CCDC14: variants seen among roughly 807,000 people sequenced by gnomAD.
CCDC14 encodes the protein coiled-coil domain-containing protein 14.
In CCDC14, 71 loss-of-function variants were observed where a neutral mutation model predicts 81.4. That is an observed-to-expected ratio of 0.87 (90% CI 0.72 to 1.06). The LOEUF (loss-of-function observed/expected upper bound fraction) is 1.06, where lower values mean the gene tolerates loss of function less well. Ranked by LOEUF, CCDC14 falls within the 50% of genes least tolerant of loss-of-function variation. The pLI, the probability that CCDC14 is intolerant of heterozygous loss-of-function variation, is 0.00. For synonymous variants in CCDC14, 332 were observed against 364.8 expected (o/e 0.91, Z 1.03); for missense variants, 1,046 against 1,047.3 (o/e 1.00, Z 0.02).
the CCDC14 span, among the ~76,000 whole-genome samples, chr3:123,887,956 C>T: frequency 6.6e-6 from 1 of 151,420 alleles, no homozygotes; most frequent in East Asian, 1.9e-4. Flanking sequence ...ATAAATTTCC[C>T]TCCTTTTTAC....
chr3:123,929,531 G>A (rs541599161), intron 12 of CCDC14, among the ~76,000 whole-genome samples: 1 of 152,160 alleles, frequency 6.6e-6, no homozygotes, highest in South Asian at 2.1e-4. Flanking sequence ...TCGAGCTCCT[G>A]GGCCCAGGCG....
downstream of CCDC14, among the ~76,000 whole-genome samples, chr3:123,911,448 C>G (rs958236634): frequency 1.3e-5 from 2 of 152,136 alleles, no homozygotes; most frequent in African/African-American, 4.8e-5. Flanking sequence ...TGTTAACTTA[C>G]AAATCAAACC....
chr3:123,915,637 G>T lies in CCDC14; in HGVS notation c.1860C>A (p.Thr620=). 1.9e-6 allele frequency: 3 copies of T among 1,614,000 alleles called. No individual in the cohort carries two copies. The South Asian group carries it at 3.3e-5, about 18-fold the overall frequency. The stretch of plus-strand genomic sequence containing the variant: ...TATCATGAATGTTCAAGAGTGATTT[G>T]GTAAGGTTATTCCCAGGCTTGCAGC... ...SARCKPGNNL[T]KSLLNIHDKQ... Residue 620 remains threonine, a synonymous_variant, in exon 13 of 13, where the codon ACC becomes ACA. Coordinates refer to ENST00000409697, the MANE Select transcript of CCDC14 (RefSeq NM_001366335.1).
intron 5 of CCDC14, among the ~76,000 whole-genome samples, chr3:123,908,087 A>G (rs2034359737): frequency 6.6e-6 from 1 of 152,178 alleles, no homozygotes; most frequent in African/African-American, 2.4e-5. Flanking sequence ...AAATTAAAAT[A>G]AGAAGAAAAA....
At chr3:123,921,685 T>C (rs1364508521) in intron 12 of CCDC14, among the ~76,000 whole-genome samples, 1 of 152,164 alleles carries the variant, frequency 6.6e-6, no homozygotes. Context: ...TGGGCCACAC[T>C]GGAAGAATTG....
At chr3:123,919,656 A>G (rs1483681561) in intron 12 of CCDC14, among the ~76,000 whole-genome samples, 16 of 152,240 alleles carry the variant, frequency 1.1e-4, no homozygotes, top group Non-Finnish European at 2.1e-4. Context: ...CTCAAAGCAC[A>G]GGTAGCAGCC....
At chr3:123,936,845 T>A (rs910367074) in intron 9 of CCDC14, among the ~76,000 whole-genome samples, 2 of 152,018 alleles carry the variant, frequency 1.3e-5, no homozygotes, top group African/African-American at 4.8e-5. Context: ...AAGCTAAAAA[T>A]TTTTCAAAAA....
chr3:123,895,766 T>G (rs2034051635), downstream of CCDC14, among the ~76,000 whole-genome samples: 1 of 152,210 alleles, frequency 6.6e-6, no homozygotes, highest in Non-Finnish European at 1.5e-5. Flanking sequence ...GCTAATTATT[T>G]GTTTAGAGAT....
intron 12 of CCDC14, among the ~76,000 whole-genome samples, chr3:123,929,880 T>C (rs1376029533): frequency 1.3e-5 from 2 of 152,220 alleles, no homozygotes; most frequent in Admixed American, 1.3e-4. Flanking sequence ...GTTACTGGTT[T>C]CTCTTAGTAT....
chr3:123,927,088 G>A (rs1441283603), intron 12 of CCDC14, among the ~76,000 whole-genome samples: 1 of 152,020 alleles, frequency 6.6e-6, no homozygotes, highest in African/African-American at 2.4e-5. Context: ...ATATAATTAA[G>A]CTCAGAGACT....
chr3:123,909,441 T>C (rs1215514161), downstream of CCDC14, among the ~76,000 whole-genome samples: 3 of 152,142 alleles, frequency 2.0e-5, no homozygotes, highest in Admixed American at 6.5e-5. Context: ...CCAGTGTCGA[T>C]GGGAGAAAAA....
rs1487098059 is a variant in CCDC14 at position 123,958,807 on chromosome 3, C to A, written c.31-2012G>T. 7 of 152,128 alleles carry A rather than the reference C, an allele frequency of 4.6e-5. No individual in the cohort carries two copies. In the South Asian group the frequency reaches 1.5e-3, roughly 32 times the overall value. 9.4% of individuals were successfully genotyped at this position (152,128 alleles called of 1,614,324 possible). A position where few individuals can be genotyped will look rare whatever the true frequency, so the allele number is the denominator to read the frequency against. On this transcript the variant is annotated intron_variant, in intron 1 of 12. Transcript: ENST00000409697. ...AAAAAAAACCCAAAAAACAAAAATCCCTCTGGTTCACGCCCAATCCATGCT... is the reference window on the plus strand; with the variant it reads ...AAAAAAAACCCAAAAAACAAAAATCACTCTGGTTCACGCCCAATCCATGCT...
exon 6 of CCDC14, chr3:123,897,542 C>A: frequency 8.9e-6 from 9 of 1,009,374 alleles, no homozygotes; most frequent in Non-Finnish European, 1.2e-5. Flanking sequence ...TCTGCTTTTC[C>A]GTAGTTCATG....
At chr3:123,949,179 AC>A (rs1435239589) in intron 5 of CCDC14, 47 bp from the exon 6 acceptor site, 1 of 1,198,254 alleles carries the variant, frequency 8.3e-7, no homozygotes, top group East Asian at 2.5e-5. Flanking sequence ...TTCTTCAAAA[AC>A]TTTTACCGTA....
At chr3:123,939,267 G>GGA (rs1197299895) in intron 9 of CCDC14, among the ~76,000 whole-genome samples, 1 of 151,690 alleles carries the variant, frequency 6.6e-6, no homozygotes, top group Non-Finnish European at 1.5e-5. Context: ...TGGAAAGGCT[G>GGA]GAGATAGCCT....
chr3:123,947,404 T>C, intron 7 of CCDC14, 85 bp from the exon 8 acceptor site: 2 of 888,626 alleles, frequency 2.3e-6, no homozygotes, highest in Non-Finnish European at 3.4e-6. Flanking sequence ...ATATGAAATA[T>C]ATTTATTAAA....
intron 5 of CCDC14, among the ~76,000 whole-genome samples, chr3:123,907,068 T>G (rs1383508904): frequency 1.3e-5 from 2 of 152,186 alleles, no homozygotes; most frequent in African/African-American, 2.4e-5. Context: ...GTCACAAACT[T>G]TTGTCTACTT....
downstream of CCDC14, among the ~76,000 whole-genome samples, chr3:123,912,809 C>A (rs934248536): frequency 2.0e-5 from 3 of 152,156 alleles, no homozygotes; most frequent in African/African-American, 7.2e-5. Flanking sequence ...CAGCCTGGAG[C>A]TCAAGACATT....
chr3:123,940,597 T>C (rs113000638), intron 9 of CCDC14, among the ~76,000 whole-genome samples: 150 of 152,074 alleles, frequency 9.9e-4, no homozygotes, highest in African/African-American at 3.4e-3. Flanking sequence ...GTTCTTTCCT[T>C]AAAAAGTTGT....
Sources: allele counts gnomAD v4.1 joint callset (sites outside exome capture counted in the v4.1 genomes callset), GRCh38; gene constraint gnomAD v4.1.1; transcripts MANE v1.5; gene names NCBI Gene and HGNC (gene_info 2026-07-23, HGNC 2026-07-21).